HTR1F: variants seen among roughly 807,000 people sequenced by gnomAD.
HTR1F encodes the protein 5-hydroxytryptamine receptor 1F, also known as 5-hydroxytryptamine (serotonin) receptor 1F, G protein-coupled.
HTR1F carries 17 observed loss-of-function variants against 24.0 expected under a neutral mutation model. That is an observed-to-expected ratio of 0.71 (90% CI 0.48 to 1.06). The LOEUF (loss-of-function observed/expected upper bound fraction) is 1.06. Among genes scored for constraint, HTR1F ranks in the 50% least tolerant of loss-of-function variants. HTR1F has a pLI of 0.00. For synonymous variants in HTR1F, 186 were observed against 156.8 expected, an observed-to-expected ratio of 1.19 and a Z score of -1.39; for missense variants, 391 against 427.8, an observed-to-expected ratio of 0.91 and a Z score of 0.76.
chr3:87,917,505 G>A (rs545355169), intron 2 of HTR1F, among the ~76,000 whole-genome samples: 2 of 151,600 alleles, frequency 1.3e-5, no homozygotes, highest in South Asian at 4.2e-4. Context: ...ATCTAAATAA[G>A]GTCAATAAGA....
chr3:87,945,491 G>A (rs982372288), intron 2 of HTR1F, among the ~76,000 whole-genome samples: 11 of 152,290 alleles, frequency 7.2e-5, no homozygotes, highest in Admixed American at 5.2e-4. Context: ...AGGTAGGGGC[G>A]CACACATGGG....
chr3:87,961,075 G>T (rs1329719297), intron 2 of HTR1F, among the ~76,000 whole-genome samples: 2 of 151,986 alleles, frequency 1.3e-5, no homozygotes, highest in Admixed American at 6.6e-5. Context: ...GTATACTGGG[G>T]TTCCCCTATG....
At chr3:87,821,632 A>G (rs866891811) in intron 1 of HTR1F, among the ~76,000 whole-genome samples, 15 of 152,310 alleles carry the variant, frequency 9.8e-5, no homozygotes, top group African/African-American at 3.6e-4. Context: ...TGATAGTGTC[A>G]TAAGGAGCTT....
intron 2 of HTR1F, among the ~76,000 whole-genome samples, chr3:87,915,624 G>A (rs1703876032): frequency 6.6e-6 from 1 of 152,010 alleles, no homozygotes. Flanking sequence ...TTAAAGACAA[G>A]GCCTTTGAAT....
chr3:87,898,140 A>G (rs1487512922), intron 2 of HTR1F, among the ~76,000 whole-genome samples: 1 of 152,180 alleles, frequency 6.6e-6, no homozygotes, highest in African/African-American at 2.4e-5. Flanking sequence ...ATCCCCTTAC[A>G]GTATTACCAA....
In HTR1F at chr3:87,861,618, A is replaced by G. The variant is rs191571719; in HGVS notation, c.-43+39494A>G. On this transcript the variant is annotated intron_variant, in intron 2 of 2. Coordinates refer to ENST00000319595, the MANE Select transcript of HTR1F (RefSeq NM_001322209.2). Reference sequence around the variant, plus strand: ...ACATGCCTTACAGTCCTTATTATACATGACTTAAATTTCTCTTGCTGAAGT... The same window carrying G: ...ACATGCCTTACAGTCCTTATTATACGTGACTTAAATTTCTCTTGCTGAAGT... Among the ~76,000 whole-genome samples, 81 of 152,214 alleles carry G rather than the reference A, an allele frequency of 5.3e-4. 1 individual carries two copies. Among genetic ancestry groups the G allele is most frequent in the African/African-American group, 1.9e-3 (81 of 41,552 alleles).
chr3:87,880,850 A>T (rs192706457), intron 2 of HTR1F, among the ~76,000 whole-genome samples: 1 of 152,172 alleles, frequency 6.6e-6, no homozygotes, highest in African/African-American at 2.4e-5. Context: ...ACAGTTGTAA[A>T]CTGTAATTGG....
intron 2 of HTR1F, among the ~76,000 whole-genome samples, chr3:87,928,703 T>C (rs1417631293): frequency 6.6e-6 from 1 of 152,226 alleles, no homozygotes; most frequent in Non-Finnish European, 1.5e-5. Flanking sequence ...TTCATTCTAT[T>C]ATGTATCCAT....
chr3:87,894,601 C>G (rs1195883316), intron 2 of HTR1F, among the ~76,000 whole-genome samples: 1 of 123,162 alleles, frequency 8.1e-6, no homozygotes, highest in Admixed American at 1.0e-4. Flanking sequence ...GAGTCTCTCT[C>G]TGTCACCCAG....
At chr3:87,917,352 C>A (rs1367257741) in intron 2 of HTR1F, among the ~76,000 whole-genome samples, 1 of 149,024 alleles carries the variant, frequency 6.7e-6, no homozygotes, top group Non-Finnish European at 1.5e-5. Context: ...ATGGAAATAA[C>A]CAAGATCAGA....
chr3:87,847,334 C>G (rs1364840423), intron 2 of HTR1F, among the ~76,000 whole-genome samples: 1 of 151,730 alleles, frequency 6.6e-6, no homozygotes, highest in Non-Finnish European at 1.5e-5. Flanking sequence ...AAAAATTCTA[C>G]AGCTTGAACT....
At chr3:87,913,483 G>T (rs1464693408) in intron 2 of HTR1F, among the ~76,000 whole-genome samples, 1 of 152,006 alleles carries the variant, frequency 6.6e-6, no homozygotes, top group East Asian at 1.9e-4. Flanking sequence ...TATACACTGG[G>T]AGTGTAAATT....
rs116444262 is a variant in HTR1F, at chr3:87,992,040, T to C, written c.*190T>C. The C allele has an allele frequency of 9.7e-3, 3,944 of 408,176 alleles. 31 individuals are homozygous for C. Among genetic ancestry groups the C allele is most frequent in the Non-Finnish European group, 0.012 (2,780 of 228,672 alleles). 25.3% of individuals were successfully genotyped at this position (408,176 alleles called of 1,614,324 possible). Reference sequence around the variant, plus strand: ...ATTGATCACCACTATTCTAGGGTATTCAAAATTAGAAAATAATTTATGTAG... The same window carrying C: ...ATTGATCACCACTATTCTAGGGTATCCAAAATTAGAAAATAATTTATGTAG... On this transcript the variant is annotated 3_prime_UTR_variant, in exon 3 of 3. Transcript: ENST00000319595.
intron 2 of HTR1F, among the ~76,000 whole-genome samples, chr3:87,864,351 A>G (rs1366206656): frequency 6.6e-6 from 1 of 152,204 alleles, no homozygotes; most frequent in African/African-American, 2.4e-5. Context: ...TTAGCGTGAG[A>G]TAACACTTCT....
intron 2 of HTR1F, among the ~76,000 whole-genome samples, chr3:87,931,917 T>G (rs1338793195): frequency 6.6e-6 from 1 of 152,098 alleles, no homozygotes; most frequent in South Asian, 2.1e-4. Flanking sequence ...TAAATTTGTT[T>G]GAGTTCATTG....
chr3:87,948,636 C>A (rs1704766378), intron 2 of HTR1F, among the ~76,000 whole-genome samples: 2 of 151,926 alleles, frequency 1.3e-5, no homozygotes, highest in South Asian at 2.1e-4. Context: ...AGGCTCATAC[C>A]AAAATAAGCT....
chr3:87,976,596 C>T (rs1705399233), intron 2 of HTR1F, among the ~76,000 whole-genome samples: 1 of 152,112 alleles, frequency 6.6e-6, no homozygotes. Context: ...ACACCCTAAG[C>T]ATGTTATATT....
At chr3:87,898,192 A>G (rs560910194) in intron 2 of HTR1F, among the ~76,000 whole-genome samples, 1 of 152,326 alleles carries the variant, frequency 6.6e-6, no homozygotes, top group African/African-American at 2.4e-5. Context: ...ATTACAATAC[A>G]GTGTGATAAG....
intron 2 of HTR1F, among the ~76,000 whole-genome samples, chr3:87,979,941 T>G (rs1359471406): frequency 6.6e-6 from 1 of 152,186 alleles, no homozygotes; most frequent in Non-Finnish European, 1.5e-5. Flanking sequence ...AGCATGAAGA[T>G]GCCAGGAACT....
Sources: allele counts gnomAD v4.1 joint callset (sites outside exome capture counted in the v4.1 genomes callset), GRCh38; gene constraint gnomAD v4.1.1; transcripts MANE v1.5; gene names NCBI Gene and HGNC (gene_info 2026-07-23, HGNC 2026-07-21).